SLC38A5: variants seen among roughly 807,000 people sequenced by gnomAD.
SLC38A5 encodes the protein solute carrier family 38 member 5, also known as sodium-coupled neutral amino acid transporter 5.
A neutral mutation model predicts 34.6 loss-of-function variants in SLC38A5; 9 were observed. The observed-to-expected ratio is 0.26, with a 90% CI of 0.16 to 0.45. SLC38A5 has a LOEUF of 0.45. Ranked by LOEUF, SLC38A5 falls within the 20% of genes least tolerant of loss-of-function variation. The probability of loss-of-function intolerance (pLI) is 1.00; values close to 1 mark genes in which losing one functional copy is unlikely to be tolerated. For missense variants in SLC38A5, 253 were observed against 394.7 expected (o/e 0.64, Z 3.04); for synonymous variants, 157 against 155.6 (o/e 1.01, Z -0.07).
chrX:48,468,008 G>C (rs782663540), intron 2 of SLC38A5, 83 bp from the exon 3 acceptor site: 3 of 924,212 alleles, frequency 3.2e-6, no homozygotes, highest in Non-Finnish European at 4.6e-6. Flanking sequence ...AGGGGGGAGG[G>C]GAGTCCCATA....
In SLC38A5 at chrX:48,467,771, C is replaced by A. The variant is rs371252279; in HGVS notation, c.68G>T (p.Arg23Leu). 7.4e-6 allele frequency: 9 copies of A among 1,208,340 alleles called. No individual in the cohort carries two copies. The highest frequency in any genetic ancestry group is 1.0e-5 in the Non-Finnish European group (9 of 893,966). Residue 23 changes from arginine (R) to leucine (L), a missense_variant, in exon 4 of 17, where the codon CGT becomes CTT. Arg to Leu is a moderately radical substitution (Grantham distance 102). Coordinates refer to ENST00000620913, the MANE Select transcript of SLC38A5 (RefSeq NM_033518.4). ...ACCACGACTGGGCAGGAAGCCCTCA[C>A]GTTCTTGCCTGTAGCTGGATAGGGC... ...PSDAVGYRQE[R>L]EGFLPSRGPA...
chrX:48,466,682 C>T lies in SLC38A5; in HGVS notation c.319+117G>A, dbSNP rs2061479377. ...GGGTCCGGGATCTGGGGTCTGCATT[C>T]AGGGAGCTGGGTCTGGGGTCTGGGG... On this transcript the variant is annotated intron_variant, in intron 6 of 16. Transcript: ENST00000620913. 3 of 807,950 alleles carry T rather than the reference C, an allele frequency of 3.7e-6. No homozygotes were observed. The East Asian group carries it at 1.0e-4, about 28-fold the overall frequency. 66.6% of individuals were successfully genotyped at this position (807,950 alleles called of 1,213,427 possible). A position where few individuals can be genotyped will look rare whatever the true frequency, so the allele number is the denominator to read the frequency against.
At chrX:48,468,196 A>C in intron 2 of SLC38A5, 1 of 1,025,352 alleles carries the variant, frequency 9.8e-7, no homozygotes, top group Non-Finnish European at 1.2e-6. Flanking sequence ...GTGAGAGAGA[A>C]ATAGTGGGGA....
At chrX:48,459,663 G>A (rs2061421271) in intron 15 of SLC38A5, 24 bp from the exon 16 acceptor site, 3 of 1,175,309 alleles carry the variant, frequency 2.6e-6, no homozygotes, top group South Asian at 4.0e-5. Flanking sequence ...AGAAGGGACA[G>A]GAGTCAACCT....
chrX:48,461,988 T>C lies in SLC38A5; in HGVS notation c.771+19A>G, dbSNP rs931091782. On this transcript the variant is annotated intron_variant, in intron 11 of 16. Coordinates refer to ENST00000620913, the MANE Select transcript of SLC38A5 (RefSeq NM_033518.4). Reference sequence around the variant, plus strand: ...AGGGCCTGAGTGTGATGCAATCTCCTACATGCCTGCACACACACCTGTGAG... The same window carrying C: ...AGGGCCTGAGTGTGATGCAATCTCCCACATGCCTGCACACACACCTGTGAG... The C allele has an allele frequency of 1.8e-5, 21 of 1,148,265 alleles. No homozygotes were observed. The highest frequency in any genetic ancestry group is 2.3e-5 in the Non-Finnish European group (20 of 863,576). The allele number at this position is 1,148,265 out of a possible 1,213,427, so 94.6% of individuals were successfully genotyped here.
Position 48,462,950 on chromosome X carries a change from G to C in SLC38A5, c.522C>G (p.Ile174Met), listed in dbSNP as rs781880197. The change falls in exon 9 of 17, where the codon ATC becomes ATG. Residue 174 changes from isoleucine (I) to methionine (M), a missense_variant. By Grantham distance (10) the Ile-to-Met change is conservative. Transcript: ENST00000620913. ...GGATGATTAACACACTGACGATGATGATGAGGAGGTTTCCCTTCAAGAACC... is the reference window on the plus strand; with the variant it reads ...GGATGATTAACACACTGACGATGATCATGAGGAGGTTTCCCTTCAAGAACC... Reference protein sequence around the residue: ...GDWFLKGNLLIIIVSVLIILP... With the variant: ...GDWFLKGNLLMIIVSVLIILP... 8.3e-7 allele frequency: 1 copy of C among 1,208,636 alleles called. No individual in the cohort carries two copies. The highest frequency in any genetic ancestry group is 1.8e-5 in the South Asian group (1 of 56,031).
intron 8 of SLC38A5, among the ~76,000 whole-genome samples, chrX:48,463,626 A>AAATC (rs1371308013): frequency 1.9e-5 from 2 of 104,032 alleles, no homozygotes; most frequent in African/African-American, 7.1e-5. Context: ...ATAAATAAAT[A>AAATC]AATAGCCAGG....
chrX:48,469,130 C>A (rs1463907853), intron 2 of SLC38A5: 10 of 547,125 alleles, frequency 1.8e-5, no homozygotes, highest in Non-Finnish European at 2.2e-5. Flanking sequence ...TCCCCCACCA[C>A]CAGCACCCTC....
intron 8 of SLC38A5, among the ~76,000 whole-genome samples, chrX:48,465,273 A>G (rs1444264730): frequency 9.1e-6 from 1 of 109,339 alleles, no homozygotes; most frequent in Non-Finnish European, 1.9e-5. Flanking sequence ...ATATGGTTGC[A>G]ACCATAATAC....
At position 48,462,911 on chromosome X, in the gene SLC38A5, G is replaced by C; in HGVS notation, c.561C>G (p.Leu187=). 1 of 1,207,952 alleles carries C rather than the reference G, an allele frequency of 8.3e-7. No homozygotes were observed. The highest frequency in any genetic ancestry group is 1.1e-6 in the Non-Finnish European group (1 of 893,667). Residue 187 remains leucine (L), a synonymous_variant, in exon 9 of 17, where the codon CTC becomes CTG. Coordinates refer to ENST00000620913, the MANE Select transcript of SLC38A5 (RefSeq NM_033518.4). ...GGAGCCTCTTACCCAAGTGTTTCAT[G>C]AGGGCGAGGGGCAGGATGATTAACA... ...VSVLIILPLA[L]MKHLGYLGYT... is the part of the protein sequence containing the mutation.
chrX:48,467,140 G>T, intron 4 of SLC38A5, 63 bp from the exon 5 acceptor site: 1 of 956,647 alleles, frequency 1.0e-6, no homozygotes, highest in Non-Finnish European at 1.5e-6. Flanking sequence ...GGAGACTAAT[G>T]CCAGGGCCAG....
At chrX:48,460,026 T>A in intron 14 of SLC38A5, 150 bp from the exon 15 acceptor site, 4 of 763,277 alleles carry the variant, frequency 5.2e-6, no homozygotes, top group Non-Finnish European at 7.3e-6. Context: ...TAACCCAACA[T>A]CTGTGTCTCT....
In SLC38A5 at chrX:48,461,789, G is replaced by A; in HGVS notation, c.780C>T (p.Tyr260=). 2.5e-6 allele frequency: 3 copies of A among 1,209,457 alleles called. No homozygotes were observed. The highest frequency in any genetic ancestry group is 3.4e-6 in the Non-Finnish European group (3 of 894,148). ...QMFTVDSQMS[Y]TVPIMAFAFV... ...AAGCAAAAGCCATAATGGGCACTGT[G>A]TAGGACATCTAGGGGAATGCCCGAG... The change falls in exon 12 of 17, where the codon TAC becomes TAT. Residue 260 remains tyrosine (Y), a synonymous_variant. Coordinates refer to ENST00000620913, the MANE Select transcript of SLC38A5 (RefSeq NM_033518.4).
chrX:48,461,979 G>A (rs1416450053), intron 11 of SLC38A5, 28 bp downstream of exon 11: 2 of 1,144,288 alleles, frequency 1.7e-6, no homozygotes, highest in East Asian at 6.0e-5. Context: ...TGAGTGTGAT[G>A]CAATCTCCTA....
intron 2 of SLC38A5, chrX:48,468,984 G>A (rs782009536): frequency 4.1e-4 from 304 of 750,615 alleles, no homozygotes; most frequent in Non-Finnish European, 4.1e-4. Context: ...GCTCCCTCCC[G>A]CGCTTACTCC....
At position 48,466,328 on chromosome X, in the gene SLC38A5, G is replaced by A. The variant is rs782016382; in HGVS notation, c.320-6C>T. 2.6e-5 allele frequency: 31 copies of A among 1,186,676 alleles called. 1 individual carries two copies. The South Asian group carries it at 3.5e-4, about 14-fold the overall frequency. ...CTGCTCATAGGCTCGGATGCCTAGC[G>A]GGGGGAGTCAGGAACAGGGTTGAAG... On this transcript the variant is annotated splice_polypyrimidine_tract_variant and splice_region_variant and intron_variant, in intron 6 of 16. Coordinates refer to ENST00000620913, the MANE Select transcript of SLC38A5 (RefSeq NM_033518.4).
At chrX:48,461,146 T>A in intron 12 of SLC38A5, 60 bp from the exon 13 acceptor site, 1 of 994,416 alleles carries the variant, frequency 1.0e-6, no homozygotes, top group Non-Finnish European at 1.4e-6. Context: ...CCCAGGTCCC[T>A]CAAAGCCAGC....
chrX:48,468,708 A>G (rs1264801102), intron 2 of SLC38A5, among the ~76,000 whole-genome samples: 1 of 111,624 alleles, frequency 9.0e-6, no homozygotes, highest in Non-Finnish European at 1.9e-5. Context: ...CAGGGCCCCT[A>G]GCAAGTCTTA....
At chrX:48,459,160 G>T in intron 16 of SLC38A5, 126 bp from the exon 17 acceptor site, 1 of 711,433 alleles carries the variant, frequency 1.4e-6, no homozygotes. Flanking sequence ...TCCTCTGTAT[G>T]CCCTCTCCTT....
Sources: allele counts gnomAD v4.1 joint callset (sites outside exome capture counted in the v4.1 genomes callset), GRCh38; gene constraint gnomAD v4.1.1; transcripts MANE v1.5; gene names NCBI Gene and HGNC (gene_info 2026-07-23, HGNC 2026-07-21).